Variants in MEIKIN observed in about 807,000 individuals in gnomAD.
MEIKIN encodes the protein meiotic kinetochore factor, also known as meiosis-specific kinetochore protein.
chr5:131,918,265 A>T (rs1249504860), intron 6 of MEIKIN, among the ~76,000 whole-genome samples: 1 of 152,212 alleles, frequency 6.6e-6, no homozygotes, highest in Admixed American at 6.5e-5. Context: ...ATCAAGTTGC[A>T]TTTGCACCTG....
Position 131,807,102 on chromosome 5 carries a change from A to G in MEIKIN, c.*134T>C. On this transcript the variant is annotated 3_prime_UTR_variant, in exon 13 of 13. Coordinates refer to ENST00000442687, the MANE Select transcript of MEIKIN (RefSeq NM_001303622.2). ...AAGAACCTCAGTAGAATTTCAACAT[A>G]GAGATATATCACAAATAACTGGAGA... is the stretch of plus-strand genomic sequence containing the variant. 2.5e-6 allele frequency: 1 copy of G among 394,314 alleles called. No homozygotes were observed. Among genetic ancestry groups the G allele is most frequent in the Non-Finnish European group, 4.5e-6 (1 of 223,804 alleles). The allele number at this position is 394,314 out of a possible 1,614,324, so 24.4% of individuals were successfully genotyped here.
At chr5:131,882,266 G>T (rs1375101042) in intron 8 of MEIKIN, among the ~76,000 whole-genome samples, 1 of 152,144 alleles carries the variant, frequency 6.6e-6, no homozygotes, top group Non-Finnish European at 1.5e-5. Context: ...CAGCCAAAAT[G>T]ATAATTCTAA....
At chr5:131,848,635 G>C (rs1373277555) in intron 11 of MEIKIN, among the ~76,000 whole-genome samples, 1 of 152,102 alleles carries the variant, frequency 6.6e-6, no homozygotes, top group African/African-American at 2.4e-5. Flanking sequence ...AACTTTCCAA[G>C]AAGAGAAAGG....
intron 6 of MEIKIN, among the ~76,000 whole-genome samples, chr5:131,920,847 G>A (rs915881806): frequency 2.0e-4 from 30 of 151,994 alleles, no homozygotes; most frequent in African/African-American, 6.3e-4. Flanking sequence ...GACTACAGGC[G>A]TGCACCATCA....
chr5:131,925,784 T>A (rs1751578336), intron 5 of MEIKIN, among the ~76,000 whole-genome samples: 1 of 152,182 alleles, frequency 6.6e-6, no homozygotes, highest in African/African-American at 2.4e-5. Context: ...TTCTCCTGCC[T>A]CAGCCTCCTG....
chr5:131,930,091 C>A (rs1489747697), intron 5 of MEIKIN, among the ~76,000 whole-genome samples: 3 of 152,176 alleles, frequency 2.0e-5, no homozygotes, highest in Non-Finnish European at 4.4e-5. Context: ...GAGAAATCTG[C>A]AAACTTCTTT....
intron 11 of MEIKIN, among the ~76,000 whole-genome samples, chr5:131,828,719 C>A (rs1749657871): frequency 6.6e-6 from 1 of 152,146 alleles, no homozygotes; most frequent in African/African-American, 2.4e-5. Context: ...GAAAAAGACT[C>A]ATATTAAAGC....
chr5:131,862,515 A>AATTCTTT (rs1750304310), intron 9 of MEIKIN, among the ~76,000 whole-genome samples: 1 of 152,008 alleles, frequency 6.6e-6, no homozygotes, highest in African/African-American at 2.4e-5. Flanking sequence ...TAATTCCTTA[A>AATTCTTT]AGTGCATCAC....
At chr5:131,856,984 T>TTAATAAAC (rs1268362065) in intron 9 of MEIKIN, among the ~76,000 whole-genome samples, 1 of 151,682 alleles carries the variant, frequency 6.6e-6, no homozygotes, top group Non-Finnish European at 1.5e-5. Context: ...TACTTTAAGT[T>TTAATAAAC]TTAGGGTACA....
At chr5:131,905,655 C>A (rs528715904) in intron 8 of MEIKIN, among the ~76,000 whole-genome samples, 1 of 152,248 alleles carries the variant, frequency 6.6e-6, no homozygotes, top group Admixed American at 6.5e-5. Context: ...ATAAACACCT[C>A]TATGCACACA....
intron 8 of MEIKIN, among the ~76,000 whole-genome samples, chr5:131,897,389 T>C (rs896937144): frequency 1.3e-5 from 2 of 152,220 alleles, no homozygotes; most frequent in African/African-American, 4.8e-5. Context: ...TCGAGGAGTA[T>C]CTTTGTGGTG....
rs183832114 is a variant in MEIKIN, at chr5:131,864,088, T to G, written c.775-9254A>C. Among the ~76,000 whole-genome samples the G allele has an allele frequency of 3.6e-3, 552 of 152,334 alleles. 3 individuals carry two copies. Among genetic ancestry groups the G allele is most frequent in the African/African-American group, 0.012 (518 of 41,574 alleles). On this transcript the variant is annotated intron_variant, in intron 9 of 12. Coordinates refer to ENST00000442687, the MANE Select transcript of MEIKIN (RefSeq NM_001303622.2). ...AAGTGCATTTCTTGTAGGCAGCATA[T>G]AGTTGAATCATGTTTTTTTAATCAT... is the stretch of plus-strand genomic sequence containing the variant.
chr5:131,877,141 TATA>T (rs1032492139), intron 9 of MEIKIN, among the ~76,000 whole-genome samples: 54 of 151,872 alleles, frequency 3.6e-4, no homozygotes, highest in African/African-American at 1.3e-3. Context: ...CAAGTTAAAG[TATA>T]ATAATAATAA....
intron 6 of MEIKIN, 132 bp from the exon 7 acceptor site, chr5:131,917,057 A>C: frequency 2.7e-6 from 1 of 373,394 alleles, no homozygotes; most frequent in Non-Finnish European, 4.7e-6. Context: ...TCTGCCACTT[A>C]AATTAGGTAA....
In MEIKIN at chr5:131,844,119, T is replaced by A. The variant is rs145141501; in HGVS notation, c.975+7145A>T. 1.1e-4 allele frequency among the ~76,000 whole-genome samples: 16 copies of A among 152,018 alleles called. No individual in the cohort carries two copies. The East Asian group carries it at 2.7e-3, about 26-fold the overall frequency. ...TGCCACACACTTTCAAACAACTAGA[T>A]CTCGTGAGCATTCACTCACTGTCAC... On this transcript the variant is annotated intron_variant, in intron 11 of 12. Transcript: ENST00000442687.
rs533594594 is a variant in MEIKIN at position 131,840,635 on chromosome 5, T to C, written c.975+10629A>G. Among the ~76,000 whole-genome samples, 16 of 152,382 alleles carry C rather than the reference T, an allele frequency of 1.0e-4. No individual in the cohort carries two copies. The East Asian group carries it at 3.1e-3, about 29-fold the overall frequency. ...GAGATTCTTTCCTCAGCCTGGTCTA[T>C]TCTGCTATTAACACTTGTGATTGCA... On this transcript the variant is annotated intron_variant, in intron 11 of 12. Transcript: ENST00000442687.
chr5:131,911,727 T>C (rs1195930730), intron 8 of MEIKIN, 88 bp downstream of exon 8: 7 of 390,312 alleles, frequency 1.8e-5, no homozygotes, highest in Non-Finnish European at 3.2e-5. Flanking sequence ...TTAATGCATG[T>C]TGCAGGTAGC....
intron 11 of MEIKIN, among the ~76,000 whole-genome samples, chr5:131,820,043 G>C (rs1230920455): frequency 1.4e-5 from 2 of 146,510 alleles, no homozygotes; most frequent in Non-Finnish European, 3.0e-5. Context: ...CCAAAGTGCT[G>C]GGATTACAGG....
chr5:131,862,397 T>C (rs1750302062), intron 9 of MEIKIN, among the ~76,000 whole-genome samples: 1 of 152,170 alleles, frequency 6.6e-6, no homozygotes, highest in African/African-American at 2.4e-5. Context: ...AACGAACTTT[T>C]CATTTCATTG....
Sources: allele counts gnomAD v4.1 joint callset (sites outside exome capture counted in the v4.1 genomes callset), GRCh38; gene constraint gnomAD v4.1.1; transcripts MANE v1.5; gene names NCBI Gene and HGNC (gene_info 2026-07-23, HGNC 2026-07-21).